Variants in ABLIM2 observed in about 807,000 individuals in gnomAD.
The protein encoded by ABLIM2 is actin binding LIM protein family member 2.
Under a neutral mutation model 97.7 loss-of-function variants are expected in ABLIM2, and 53 were observed. That is an observed-to-expected ratio of 0.54 (90% CI 0.44 to 0.68). ABLIM2 has a LOEUF of 0.68. ABLIM2 is among the 30% of genes least tolerant of loss of function. The pLI, the probability that ABLIM2 is intolerant of heterozygous loss-of-function variation, is 0.00. For missense variants in ABLIM2, 835 were observed against 867.2 expected (o/e 0.96, Z 0.47); for synonymous variants, 361 against 345.8 (o/e 1.04, Z -0.49).
chr4:8,009,448 G>T (rs754354057), intron 14 of ABLIM2, among the ~76,000 whole-genome samples: 2 of 152,202 alleles, frequency 1.3e-5, no homozygotes, highest in African/African-American at 4.8e-5. Context: ...CCAGGCTGGA[G>T]TGCCATGGTG....
intron 20 of ABLIM2, among the ~76,000 whole-genome samples, chr4:7,969,252 G>A (rs145389494): frequency 0.016 from 2,404 of 152,238 alleles, 73 homozygotes; most frequent in African/African-American, 0.052. Flanking sequence ...TCAGGAGTTT[G>A]AGATCAACCT....
In ABLIM2 at chr4:8,140,641, G is replaced by C. The variant is rs1850837871; in HGVS notation, c.10+18039C>G. Among the ~76,000 whole-genome samples the C allele has an allele frequency of 6.6e-6, 1 of 152,176 alleles. No individual in the cohort carries two copies. The highest frequency in any genetic ancestry group is 1.5e-5 in the Non-Finnish European group (1 of 68,038). Reference sequence around the variant, plus strand: ...ATGGCCACTGCTACTGATGATGGAAGCAATGATGATAAAATCGACCCCAGA... The same window carrying C: ...ATGGCCACTGCTACTGATGATGGAACCAATGATGATAAAATCGACCCCAGA... On this transcript the variant is annotated intron_variant, in intron 1 of 20. Coordinates refer to ENST00000447017, the MANE Select transcript of ABLIM2 (RefSeq NM_001130083.2). This position sits in a 1 kb window ranked among gnomAD's most constrained non-coding sequence, Gnocchi z 5.9.
At chr4:7,982,826 C>T (rs2385903) in intron 20 of ABLIM2, among the ~76,000 whole-genome samples, 3,842 of 152,238 alleles carry the variant, frequency 0.025, 153 homozygotes, top group African/African-American at 0.084. Flanking sequence ...ACCTTAGCAT[C>T]CTGAGTAGCT....
intron 14 of ABLIM2, among the ~76,000 whole-genome samples, chr4:8,011,392 C>T (rs975759647): frequency 6.6e-6 from 1 of 152,224 alleles, no homozygotes; most frequent in Non-Finnish European, 1.5e-5. Flanking sequence ...ATGACCGAGT[C>T]TCTTGAGAAC....
chr4:8,113,697 C>T lies in ABLIM2; in HGVS notation c.11-7060G>A, dbSNP rs1014059160. On this transcript the variant is annotated intron_variant, in intron 1 of 20. Coordinates refer to ENST00000447017, the MANE Select transcript of ABLIM2 (RefSeq NM_001130083.2). The surrounding 1 kb of genome is among the most constrained non-coding windows in gnomAD (Gnocchi z 4.5). ...GCCAAGATGATTTCAGAAAGCTCCCCGTCTGCTGTTTGTATCATCCAAACG... is the reference window on the plus strand; with the variant it reads ...GCCAAGATGATTTCAGAAAGCTCCCTGTCTGCTGTTTGTATCATCCAAACG... 6.6e-6 allele frequency among the ~76,000 whole-genome samples: 1 copy of T among 152,220 alleles called. No homozygotes were observed. The highest frequency in any genetic ancestry group is 1.5e-5 in the Non-Finnish European group (1 of 68,034).
chr4:7,973,394 G>A (rs955343404), intron 20 of ABLIM2, among the ~76,000 whole-genome samples: 13 of 151,988 alleles, frequency 8.6e-5, no homozygotes, highest in East Asian at 3.9e-4. Flanking sequence ...CCAGCTACCC[G>A]GGAGGCTGAG....
intron 3 of ABLIM2, among the ~76,000 whole-genome samples, chr4:8,090,027 G>C (rs1411267640): frequency 6.6e-6 from 1 of 152,198 alleles, no homozygotes; most frequent in Non-Finnish European, 1.5e-5. Flanking sequence ...AGTACCCTCG[G>C]TCCATGCAGC....
intron 8 of ABLIM2, among the ~76,000 whole-genome samples, chr4:8,051,155 G>A (rs1020958314): frequency 1.4e-4 from 22 of 152,232 alleles, no homozygotes; most frequent in African/African-American, 4.1e-4. Flanking sequence ...GGGAGCTGTC[G>A]CCAGCCACCC....
chr4:7,971,719 C>A (rs967039501), intron 20 of ABLIM2, among the ~76,000 whole-genome samples: 1 of 152,120 alleles, frequency 6.6e-6, no homozygotes, highest in Non-Finnish European at 1.5e-5. Flanking sequence ...GGCCTACCCC[C>A]CTACCAACCT....
At chr4:8,100,034 C>T (rs1042558998) in intron 2 of ABLIM2, among the ~76,000 whole-genome samples, 5 of 152,150 alleles carry the variant, frequency 3.3e-5, no homozygotes, top group African/African-American at 1.2e-4. Flanking sequence ...GATGGGAGCA[C>T]CATCCTTTGG....
intron 6 of ABLIM2, among the ~76,000 whole-genome samples, chr4:8,076,986 C>T (rs1034401016): frequency 2.5e-4 from 15 of 59,108 alleles, no homozygotes; most frequent in African/African-American, 5.2e-4. Context: ...TCTGTGAATC[C>T]GGAGGGTGGG....
Position 8,027,417 on chromosome 4 carries a change from G to A in ABLIM2, c.1267+342C>T, listed in dbSNP as rs115518652. Reference sequence around the variant, plus strand: ...GAACACAAACCCTGAGAGCACCTGTGCCCCCCGGCTGACACATGAAATCAG... The same window carrying A: ...GAACACAAACCCTGAGAGCACCTGTACCCCCCGGCTGACACATGAAATCAG... On this transcript the variant is annotated intron_variant, in intron 12 of 20. Transcript: ENST00000447017. 6.2e-3 allele frequency among the ~76,000 whole-genome samples: 945 copies of A among 152,256 alleles called. 10 individuals are homozygous for A. The highest frequency in any genetic ancestry group is 0.021 in the African/African-American group (865 of 41,546).
At chr4:7,997,788 A>T (rs1560499941) in intron 16 of ABLIM2, among the ~76,000 whole-genome samples, 1 of 152,114 alleles carries the variant, frequency 6.6e-6, no homozygotes, top group Non-Finnish European at 1.5e-5. Flanking sequence ...TTGCTTGTTG[A>T]AGCATTTTTT....
chr4:8,052,549 C>T (rs904220291), intron 8 of ABLIM2, among the ~76,000 whole-genome samples: 2 of 152,248 alleles, frequency 1.3e-5, no homozygotes, highest in African/African-American at 4.8e-5. Context: ...AAAGGGCAGA[C>T]TTCCCCTGGG....
At chr4:8,084,181 A>G (rs1365741171) in intron 4 of ABLIM2, among the ~76,000 whole-genome samples, 1 of 152,246 alleles carries the variant, frequency 6.6e-6, no homozygotes, top group African/African-American at 2.4e-5. Flanking sequence ...GTACTGAGGA[A>G]GAAAAGCCGC....
chr4:8,013,472 C>A (rs1371760599), intron 14 of ABLIM2, among the ~76,000 whole-genome samples: 2 of 152,306 alleles, frequency 1.3e-5, no homozygotes, highest in East Asian at 3.9e-4. Flanking sequence ...GATCCACCTG[C>A]CTCAGCCTCA....
chr4:8,118,155 G>C (rs1370636812), intron 1 of ABLIM2, among the ~76,000 whole-genome samples: 1 of 152,214 alleles, frequency 6.6e-6, no homozygotes, highest in Non-Finnish European at 1.5e-5. Flanking sequence ...GGTGTGGTGA[G>C]ACTCAGAGGC....
At chr4:8,102,675 G>C (rs537576923) in intron 2 of ABLIM2, among the ~76,000 whole-genome samples, 1 of 152,342 alleles carries the variant, frequency 6.6e-6, no homozygotes, top group South Asian at 2.1e-4. Context: ...ATAATCATAT[G>C]ATTTCACAGA....
chr4:7,988,322 C>T (rs1746055313), intron 17 of ABLIM2, among the ~76,000 whole-genome samples: 3 of 152,232 alleles, frequency 2.0e-5, no homozygotes. Flanking sequence ...CACGCCCGGC[C>T]TGTTTAGCAC....
Sources: allele counts gnomAD v4.1 joint callset (sites outside exome capture counted in the v4.1 genomes callset), GRCh38; gene constraint gnomAD v4.1.1; non-coding constraint Gnocchi (gnomAD v3.1); transcripts MANE v1.5; gene names NCBI Gene and HGNC (gene_info 2026-07-23, HGNC 2026-07-21).